The following TGFBI variants were observed in gnomAD, a reference collection of about 807,000 sequenced individuals.
TGFBI encodes the protein transforming growth factor-beta-induced protein ig-h3.
TGFBI carries 50 observed loss-of-function variants against 73.7 expected under a neutral mutation model. That is an observed-to-expected ratio of 0.68 (90% CI 0.54 to 0.86). The LOEUF (loss-of-function observed/expected upper bound fraction) is 0.86. Among genes scored for constraint, TGFBI ranks in the 40% least tolerant of loss-of-function variants. TGFBI has a pLI of 0.00. For missense variants in TGFBI, 839 were observed against 877.0 expected (o/e 0.96, Z 0.55); for synonymous variants, 362 against 360.5 (o/e 1.00, Z -0.05).
At chr5:136,059,026 C>A (rs1751699108) in intron 12 of TGFBI, 64 bp from the exon 13 acceptor site, 3 of 1,565,888 alleles carry the variant, frequency 1.9e-6, no homozygotes, top group South Asian at 2.4e-5. Flanking sequence ...CCTCTGGGCC[C>A]TCCTTGACCA....
intron 13 of TGFBI, 21 bp downstream of exon 13, chr5:136,059,235 A>C: frequency 6.2e-7 from 1 of 1,606,428 alleles, no homozygotes; most frequent in Non-Finnish European, 8.5e-7. Flanking sequence ...TGCAAATCAA[A>C]GGCTGGCTAA....
rs149364096 is a variant in TGFBI at position 136,050,470 on chromosome 5, C to T, written c.913+890C>T. On this transcript the variant is annotated intron_variant, in intron 7 of 16. Transcript: ENST00000442011. ...GCAGGAGAGGGAAGGAAGGAGCTAA[C>T]GTGTTTTCACATGTTTTCCTTTTGG... Among the ~76,000 whole-genome samples the T allele has an allele frequency of 2.2e-3, 329 of 152,188 alleles. 2 individuals are homozygous for T. The highest frequency in any genetic ancestry group is 7.6e-3 in the African/African-American group (317 of 41,492).
Position 136,054,828 on chromosome 5 carries a change from C to A in TGFBI, c.1377C>A (p.Gly459=), listed in dbSNP as rs190191005. 5 of 1,613,496 alleles carry A rather than the reference C, an allele frequency of 3.1e-6. No homozygotes were observed. The South Asian group carries it at 4.4e-5, about 14-fold the overall frequency. ...ATGGACAGACCCTGGAAACTCTGGGCGGCAAAAAACTGAGAGTTTTTGTTT... is the reference window on the plus strand; with the variant it reads ...ATGGACAGACCCTGGAAACTCTGGGAGGCAAAAAACTGAGAGTTTTTGTTT... ...LYHGQTLETL[G]GKKLRVFVYR... Residue 459 remains glycine (G), a synonymous_variant, in exon 10 of 17, where the codon GGC becomes GGA. Coordinates refer to ENST00000442011, the MANE Select transcript of TGFBI (RefSeq NM_000358.3).
chr5:136,035,102 G>A (rs1751190417), intron 2 of TGFBI, among the ~76,000 whole-genome samples: 1 of 152,158 alleles, frequency 6.6e-6, no homozygotes. Context: ...TGGCACAGCT[G>A]GGGAGATACC....
chr5:136,046,804 AAC>A, intron 4 of TGFBI, 45 bp from the exon 5 acceptor site: 1 of 1,585,372 alleles, frequency 6.3e-7, no homozygotes, highest in South Asian at 1.2e-5. Context: ...CCATCTCTTA[AAC>A]ACAGAGTCTG....
rs74291926 is a variant in TGFBI at position 136,050,028 on chromosome 5, A to T, written c.913+448A>T. ...CTAGGGGATTTATGGATAAACCAAA[A>T]TTACAGTTAAAAACCAGCCATAGGC... On this transcript the variant is annotated intron_variant, in intron 7 of 16. Coordinates refer to ENST00000442011, the MANE Select transcript of TGFBI (RefSeq NM_000358.3). Among the ~76,000 whole-genome samples the T allele has an allele frequency of 3.3e-5, 5 of 152,312 alleles. No individual in the cohort carries two copies. The East Asian group carries it at 7.7e-4, about 24-fold the overall frequency.
intron 7 of TGFBI, 61 bp from the exon 8 acceptor site, chr5:136,052,846 G>A: frequency 6.6e-7 from 1 of 1,519,236 alleles, no homozygotes; most frequent in Non-Finnish European, 9.0e-7. Flanking sequence ...CAGGCTGCAA[G>A]TGGTCCCTGA....
At chr5:136,034,533 C>T (rs572460234) in intron 2 of TGFBI, among the ~76,000 whole-genome samples, 1 of 151,754 alleles carries the variant, frequency 6.6e-6, no homozygotes, top group South Asian at 2.1e-4. Context: ...TAAATGCTAG[C>T]TACTATTATT....
At position 136,038,627 on chromosome 5, in the gene TGFBI, G is replaced by A. The variant is rs148703202; in HGVS notation, c.233+4766G>A. On this transcript the variant is annotated intron_variant, in intron 2 of 16. Coordinates refer to ENST00000442011, the MANE Select transcript of TGFBI (RefSeq NM_000358.3). Reference sequence around the variant, plus strand: ...TCCCAGCTACTCAGGAGGCTGAGGCGGGAGAATTGCTTGAACCCAGGAGGC... The same window carrying A: ...TCCCAGCTACTCAGGAGGCTGAGGCAGGAGAATTGCTTGAACCCAGGAGGC... 3.5e-3 allele frequency among the ~76,000 whole-genome samples: 528 copies of A among 151,890 alleles called. 4 individuals carry two copies. The highest frequency in any genetic ancestry group is 0.012 in the African/African-American group (505 of 41,438).
chr5:136,046,192 G>A, intron 3 of TGFBI, 143 bp from the exon 4 acceptor site: 1 of 935,562 alleles, frequency 1.1e-6, no homozygotes, highest in Non-Finnish European at 1.6e-6. Context: ...AAGCCCCCCA[G>A]AAACAGCCTG....
At chr5:136,062,911 A>G (rs1751776098) in intron 16 of TGFBI, among the ~76,000 whole-genome samples, 1 of 152,240 alleles carries the variant, frequency 6.6e-6, no homozygotes, top group South Asian at 2.1e-4. Context: ...TTTTAGGGTT[A>G]AGGTGAGTTT....
chr5:136,057,618 C>T (rs1371075921), intron 12 of TGFBI, among the ~76,000 whole-genome samples: 2 of 151,922 alleles, frequency 1.3e-5, no homozygotes, highest in Admixed American at 6.6e-5. Context: ...CAGATGCATG[C>T]CTGTGAGAGA....
Position 136,054,325 on chromosome 5 carries a change from G to A in TGFBI, c.1264+245G>A, listed in dbSNP as rs527759020. 1.4e-4 allele frequency among the ~76,000 whole-genome samples: 22 copies of A among 152,312 alleles called. No homozygotes were observed. The Middle Eastern group carries it at 0.014, about 94-fold the overall frequency. On this transcript the variant is annotated intron_variant, in intron 9 of 16. Coordinates refer to ENST00000442011, the MANE Select transcript of TGFBI (RefSeq NM_000358.3). ...AAGACTTGACATCTGGGAGGCAGCC[G>A]TTCCTCAGAACTCAAGACTTGACAT...
chr5:136,037,051 TG>T (rs1435626038), intron 2 of TGFBI, among the ~76,000 whole-genome samples: 1 of 152,188 alleles, frequency 6.6e-6, no homozygotes, highest in Non-Finnish European at 1.5e-5. Flanking sequence ...TGCCTGCTTT[TG>T]TGAGGCCCCA....
intron 15 of TGFBI, among the ~76,000 whole-genome samples, chr5:136,062,279 G>C (rs1751762433): frequency 6.6e-6 from 1 of 152,178 alleles, no homozygotes. Context: ...GAGGCCTGGA[G>C]CTTACTGTGT....
In TGFBI at chr5:136,029,094, T is replaced by C. The variant is rs746806677; in HGVS notation, c.39T>C (p.Ala13=). The C allele has an allele frequency of 9.2e-6, 14 of 1,527,294 alleles. No individual in the cohort carries two copies. The highest frequency in any genetic ancestry group is 3.9e-5 in the Admixed American group (2 of 50,638). The allele number at this position is 1,527,294 out of a possible 1,614,324, so 94.6% of individuals were successfully genotyped here. Residue 13 remains alanine (A), a synonymous_variant, in exon 1 of 17, where the codon GCT becomes GCC. Coordinates refer to ENST00000442011, the MANE Select transcript of TGFBI (RefSeq NM_000358.3). ...LFVRLLALAL[A]LALGPAATLA... is the part of the protein sequence containing the mutation. Reference sequence around the variant, plus strand: ...TGCGGCTGCTGGCTCTCGCCCTGGCTCTGGCCCTGGGCCCCGCCGCGACCC... The same window carrying C: ...TGCGGCTGCTGGCTCTCGCCCTGGCCCTGGCCCTGGGCCCCGCCGCGACCC...
intron 2 of TGFBI, 41 bp downstream of exon 2, chr5:136,033,902 C>A (rs201255996): frequency 1.5e-5 from 23 of 1,535,712 alleles, no homozygotes; most frequent in Non-Finnish European, 1.9e-5. Flanking sequence ...GCTGTATGCA[C>A]GCTGGCTGCA....
At chr5:136,042,133 C>G (rs578214521) in intron 2 of TGFBI, among the ~76,000 whole-genome samples, 100 of 152,302 alleles carry the variant, frequency 6.6e-4, no homozygotes, top group African/African-American at 2.1e-3. Flanking sequence ...TAATACAGCC[C>G]TGGAATTTAT....
intron 11 of TGFBI, chr5:136,056,440 A>G (rs1751633180): frequency 3.7e-6 from 2 of 540,174 alleles, no homozygotes; most frequent in East Asian, 3.3e-5. Context: ...ACGTCTGGCC[A>G]TTTAACAGAG....
Sources: gnomAD v4.1 joint callset for allele counts (sites outside exome capture counted in the v4.1 genomes callset) on GRCh38, gnomAD v4.1.1 for gene constraint, MANE v1.5 for transcripts, NCBI Gene and HGNC (gene_info 2026-07-23, HGNC 2026-07-21) for gene names.